The following PRRC2C variants were observed in gnomAD, a reference collection of about 807,000 sequenced individuals.
The protein encoded by PRRC2C is proline rich coiled-coil 2C.
In PRRC2C, 72 loss-of-function variants were observed where a neutral mutation model predicts 317.2. The ratio of observed to expected loss-of-function variants is 0.23; its 90% CI spans 0.19 to 0.28. The LOEUF (loss-of-function observed/expected upper bound fraction) is 0.28. PRRC2C is among the 10% of genes least tolerant of loss of function. PRRC2C has a pLI of 1.00. For synonymous variants in PRRC2C, 1,296 were observed against 1,205.9 expected, an observed-to-expected ratio of 1.07 and a Z score of -1.55; for missense variants, 3,074 against 3,459.7, an observed-to-expected ratio of 0.89 and a Z score of 2.80.
chr1:171,553,127 C>T (rs1386602730), intron 18 of PRRC2C, among the ~76,000 whole-genome samples: 1 of 152,124 alleles, frequency 6.6e-6, no homozygotes, highest in Non-Finnish European at 1.5e-5. Context: ...TAATTATTGC[C>T]TCAATTTCAG....
intron 18 of PRRC2C, among the ~76,000 whole-genome samples, chr1:171,551,367 T>G (rs1246346537): frequency 1.3e-5 from 2 of 152,234 alleles, no homozygotes; most frequent in African/African-American, 4.8e-5. Context: ...ATTAGCCCTT[T>G]GTCAGATGAG....
At chr1:171,548,039 C>T (rs557853720) in intron 17 of PRRC2C, among the ~76,000 whole-genome samples, 49 of 152,286 alleles carry the variant, frequency 3.2e-4, no homozygotes, top group Non-Finnish European at 4.7e-4. Flanking sequence ...GATCTCGGCT[C>T]ACTGCAACCT....
At position 171,489,407 on chromosome 1, in the gene PRRC2C, C is replaced by G. The variant is rs187045139; in HGVS notation, c.-58+3672C>G. Among the ~76,000 whole-genome samples the G allele has an allele frequency of 1.4e-4, 22 of 152,258 alleles. No homozygotes were observed. In the East Asian group the frequency reaches 4.2e-3, roughly 29 times the overall value. The stretch of plus-strand genomic sequence containing the variant: ...GCATTTGGTCCACTCCCAAGGTGTT[C>G]ACAGCCTTAAGGATTAATGTTAAAA... On this transcript the variant is annotated intron_variant, in intron 1 of 34. Coordinates refer to ENST00000647382, the MANE Select transcript of PRRC2C (RefSeq NM_001387844.1).
chr1:171,492,926 A>AT (rs1368866991), intron 1 of PRRC2C, among the ~76,000 whole-genome samples: 2 of 151,698 alleles, frequency 1.3e-5, no homozygotes, highest in African/African-American at 4.8e-5. Flanking sequence ...TAATCTTTGT[A>AT]TTTTTAGTAG....
Position 171,524,932 on chromosome 1 carries a change from A to C in PRRC2C, c.1167A>C (p.Lys389Asn). 6.2e-7 allele frequency: 1 copy of C among 1,610,914 alleles called. No homozygotes were observed. The highest frequency in any genetic ancestry group is 1.1e-5 in the South Asian group (1 of 90,404). Residue 389 changes from lysine to asparagine, a missense_variant, in exon 10 of 35, where the codon AAA becomes AAC. Physicochemically the swap from Lys to Asn is moderately conservative, Grantham distance 94. Coordinates refer to ENST00000647382, the MANE Select transcript of PRRC2C (RefSeq NM_001387844.1). ...SQIPAQPSVAKVPYGKGPSFN... is the reference protein window; with the variant it reads ...SQIPAQPSVANVPYGKGPSFN... ...TACCTGCCCAACCATCAGTAGCAAA[A>C]GTTCCCTATGGGAAAGGACCTTCAT...
In PRRC2C at chr1:171,579,860, T is replaced by G. The variant is rs1247091652; in HGVS notation, c.7305T>G (p.Ile2435Met). Residue 2435 changes from isoleucine to methionine, a missense_variant, in exon 28 of 35, where the codon ATT becomes ATG. Ile to Met is a conservative substitution (Grantham distance 10, BLOSUM62 1). Coordinates refer to ENST00000647382, the MANE Select transcript of PRRC2C (RefSeq NM_001387844.1). ...CAGTTCAGCAGATTCCAATCCCTAT[T>G]TATGCACCACTGCAAGGGCAGCATC... ...PTSVQQIPIPIYAPLQGQHQA... is the reference protein window; with the variant it reads ...PTSVQQIPIPMYAPLQGQHQA... 1.3e-6 allele frequency: 2 copies of G among 1,587,570 alleles called. No homozygotes were observed. The highest frequency in any genetic ancestry group is 2.3e-5 in the East Asian group (1 of 44,306).
chr1:171,560,719 G>A (rs2102672743), intron 19 of PRRC2C, among the ~76,000 whole-genome samples: 1 of 152,214 alleles, frequency 6.6e-6, no homozygotes, highest in East Asian at 1.9e-4. Context: ...TTACCTATTA[G>A]ACTGTAGTAT....
chr1:171,583,756 C>G lies in PRRC2C; in HGVS notation c.7410-200C>G, dbSNP rs368936661. Among the ~76,000 whole-genome samples, 8 of 152,242 alleles carry G rather than the reference C, an allele frequency of 5.3e-5. No homozygotes were observed. In the South Asian group the frequency reaches 8.3e-4, roughly 16 times the overall value. ...CATATGTTCTATGATATTAGAACAG[C>G]TATGATGTCACTAGGTGATAGGAAT... is the stretch of plus-strand genomic sequence containing the variant. On this transcript the variant is annotated intron_variant, in intron 28 of 34. Coordinates refer to ENST00000647382, the MANE Select transcript of PRRC2C (RefSeq NM_001387844.1).
chr1:171,489,932 T>C (rs1385924685), intron 1 of PRRC2C, among the ~76,000 whole-genome samples: 1 of 152,134 alleles, frequency 6.6e-6, no homozygotes, highest in Non-Finnish European at 1.5e-5. Context: ...TTTTTTTTTC[T>C]TTTTTTAGAT....
intron 10 of PRRC2C, among the ~76,000 whole-genome samples, chr1:171,525,497 T>G (rs985209280): frequency 1.7e-4 from 26 of 152,216 alleles, no homozygotes; most frequent in Admixed American, 1.6e-3. Context: ...TAAAAAGGAC[T>G]ACTTTCAAGG....
At chr1:171,576,093 A>G (rs1031459498) in intron 25 of PRRC2C, among the ~76,000 whole-genome samples, 2 of 152,170 alleles carry the variant, frequency 1.3e-5, no homozygotes, top group Admixed American at 6.5e-5. Flanking sequence ...TGTTCCAACT[A>G]TATTTCTTTT....
At chr1:171,492,274 G>A (rs1399250782) in intron 1 of PRRC2C, among the ~76,000 whole-genome samples, 1 of 152,096 alleles carries the variant, frequency 6.6e-6, no homozygotes, top group African/African-American at 2.4e-5. Context: ...AAGAGGGATG[G>A]AAAAAGCCAA....
In PRRC2C at chr1:171,558,143, T is replaced by A; in HGVS notation, c.6031T>A (p.Leu2011Ile). ...PAVLNDISKKLGPISPPQPPS... is the reference protein window; with the variant it reads ...PAVLNDISKKIGPISPPQPPS... ...TGTGCTGAATGATATCTCTAAGAAA[T>A]GTAAGTTGCAAAAGAGAAGTGAGGG... The change falls in exon 19 of 35, where the codon TTA (leucine) becomes ATA (isoleucine). Residue 2011 changes from leucine to isoleucine, a missense_variant and splice_region_variant. Around this residue, in one of 11 missense-constraint regions of PRRC2C, gnomAD observed 640 missense variants for 676.1 expected, o/e 0.95. Coordinates refer to ENST00000647382, the MANE Select transcript of PRRC2C (RefSeq NM_001387844.1). 1 of 1,606,974 alleles carries A rather than the reference T, an allele frequency of 6.2e-7. No homozygotes were observed. The highest frequency in any genetic ancestry group is 8.5e-7 in the Non-Finnish European group (1 of 1,175,686).
intron 5 of PRRC2C, among the ~76,000 whole-genome samples, chr1:171,517,140 T>C (rs1672527992): frequency 6.6e-6 from 1 of 152,216 alleles, no homozygotes; most frequent in Admixed American, 6.5e-5. Flanking sequence ...TCACGCAATC[T>C]GTTCACTTGG....
intron 2 of PRRC2C, 76 bp from the exon 3 acceptor site, chr1:171,512,919 T>A: frequency 7.5e-7 from 1 of 1,325,224 alleles, no homozygotes; most frequent in Non-Finnish European, 1.0e-6. Context: ...ATTCCTATTG[T>A]TTTTCTATAT....
chr1:171,493,622 C>A (rs1049857093), intron 1 of PRRC2C, among the ~76,000 whole-genome samples: 1 of 152,156 alleles, frequency 6.6e-6, no homozygotes, highest in African/African-American at 2.4e-5. Flanking sequence ...GAATTTGACA[C>A]CAGCCTGGCC....
intron 1 of PRRC2C, among the ~76,000 whole-genome samples, chr1:171,492,871 C>G (rs920319621): frequency 6.6e-6 from 1 of 151,888 alleles, no homozygotes; most frequent in African/African-American, 2.4e-5. Flanking sequence ...TCTGCCTCAG[C>G]AGCCCGAGTA....
chr1:171,554,359 G>T (rs1249841173), intron 18 of PRRC2C, among the ~76,000 whole-genome samples: 2 of 152,104 alleles, frequency 1.3e-5, no homozygotes, highest in African/African-American at 4.8e-5. Flanking sequence ...GCCTATCTCT[G>T]TCTCTGTACG....
chr1:171,550,332 C>A, intron 18 of PRRC2C, 92 bp downstream of exon 18: 1 of 1,180,706 alleles, frequency 8.5e-7, no homozygotes. Flanking sequence ...CTTGTCAAGG[C>A]TGTTTTCATT....
Sources: gnomAD v4.1 joint callset for allele counts (sites outside exome capture counted in the v4.1 genomes callset) on GRCh38, gnomAD v4.1.1 for gene constraint, gnomAD v4.1.1 regional missense constraint, MANE v1.5 for transcripts, NCBI Gene and HGNC (gene_info 2026-07-23, HGNC 2026-07-21) for gene names.